The following C1orf87 variants were observed in gnomAD, a reference collection of about 807,000 sequenced individuals.
The protein encoded by C1orf87 is chromosome 1 open reading frame 87.
Under a neutral mutation model 60.5 loss-of-function variants are expected in C1orf87, and 58 were observed. That is an observed-to-expected ratio of 0.96 (90% CI 0.78 to 1.19). The LOEUF (loss-of-function observed/expected upper bound fraction) is 1.19, where lower values mean the gene tolerates loss of function less well. Ranked by LOEUF, C1orf87 falls within the 50% of genes most tolerant of loss-of-function variation. The pLI, the probability that C1orf87 is intolerant of heterozygous loss-of-function variation, is 0.00. For synonymous variants in C1orf87, 236 were observed against 227.4 expected (o/e 1.04, Z -0.34); for missense variants, 673 against 638.6 (o/e 1.05, Z -0.58).
At chr1:60,063,601 G>T (rs1429842120) in intron 2 of C1orf87, among the ~76,000 whole-genome samples, 2 of 152,060 alleles carry the variant, frequency 1.3e-5, no homozygotes, top group East Asian at 3.9e-4. Context: ...ACAAAAAATG[G>T]CTTTCCTGCT....
intron 3 of C1orf87, among the ~76,000 whole-genome samples, chr1:60,045,556 G>C (rs117061578): frequency 6.6e-6 from 1 of 152,318 alleles, no homozygotes; most frequent in East Asian, 1.9e-4. Flanking sequence ...CCAGGCTTCA[G>C]TGATCAACTG....
intron 11 of C1orf87, 134 bp from the exon 12 acceptor site, chr1:59,990,967 A>G: frequency 2.5e-6 from 2 of 786,146 alleles, no homozygotes; most frequent in East Asian, 2.6e-5. Context: ...CTTCTTAAAA[A>G]TCAAGTGGCA....
intron 3 of C1orf87, among the ~76,000 whole-genome samples, chr1:60,045,885 C>T (rs945414492): frequency 2.0e-5 from 3 of 152,164 alleles, no homozygotes; most frequent in African/African-American, 7.2e-5. Flanking sequence ...TTTTTAAATA[C>T]ACAATAACAT....
intron 9 of C1orf87, among the ~76,000 whole-genome samples, chr1:60,003,242 A>G (rs1038161880): frequency 9.9e-5 from 14 of 141,778 alleles, no homozygotes; most frequent in Admixed American, 8.8e-4. Context: ...AACACCGCAT[A>G]TTCTCACTCA....
In C1orf87 at chr1:59,997,717, G is replaced by A; in HGVS notation, c.1372C>T (p.Pro458Ser). ...TTCTTCACAGCTGGATTCACGAAGG[G>A]CTGGGAGACTGGCCTGATCTTTAAA... ...KPLKIRPVSQ[P>S]FVNPAVKNKA... is the part of the protein sequence containing the mutation. Residue 458 changes from proline to serine, a missense_variant, in exon 11 of 12, where the codon CCC (proline) becomes TCC (serine). Physicochemically the swap from Pro to Ser is moderately conservative, Grantham distance 74. Transcript: ENST00000371201. 6.2e-7 allele frequency: 1 copy of A among 1,613,986 alleles called. No individual in the cohort carries two copies. The highest frequency in any genetic ancestry group is 1.1e-5 in the South Asian group (1 of 91,070).
intron 3 of C1orf87, among the ~76,000 whole-genome samples, chr1:60,053,413 G>A (rs1645428598): frequency 1.3e-5 from 2 of 152,068 alleles, no homozygotes; most frequent in African/African-American, 2.4e-5. Context: ...TTCCTACCTC[G>A]CCGGGTGCTT....
chr1:60,011,685 T>A (rs1404309151), intron 8 of C1orf87, among the ~76,000 whole-genome samples: 1 of 152,126 alleles, frequency 6.6e-6, no homozygotes, highest in Non-Finnish European at 1.5e-5. Flanking sequence ...GGGAAATACA[T>A]ATGCTGGGTT....
intron 9 of C1orf87, among the ~76,000 whole-genome samples, chr1:60,002,924 G>T (rs1436803366): frequency 6.6e-6 from 1 of 151,138 alleles, no homozygotes; most frequent in Non-Finnish European, 1.5e-5. Context: ...GATTCCTCAG[G>T]GATCTAGAAC....
chr1:60,072,798 C>T, intron 1 of C1orf87, 128 bp from the exon 2 acceptor site: 2 of 554,772 alleles, frequency 3.6e-6, no homozygotes, highest in Non-Finnish European at 6.3e-6. Flanking sequence ...TCACTTAACA[C>T]TCCTAACAAA....
chr1:60,025,045 A>C (rs1057362426), intron 8 of C1orf87, among the ~76,000 whole-genome samples: 1 of 152,218 alleles, frequency 6.6e-6, no homozygotes, highest in African/African-American at 2.4e-5. Flanking sequence ...CAGAGGACAG[A>C]ATGAATAAAA....
At chr1:60,068,018 A>G (rs1274837480) in intron 2 of C1orf87, among the ~76,000 whole-genome samples, 1 of 152,122 alleles carries the variant, frequency 6.6e-6, no homozygotes, top group Non-Finnish European at 1.5e-5. Context: ...GGTTTGTTGA[A>G]GATTGGATGG....
intron 11 of C1orf87, among the ~76,000 whole-genome samples, chr1:59,992,598 G>A (rs1183549351): frequency 6.6e-6 from 1 of 152,090 alleles, no homozygotes; most frequent in Non-Finnish European, 1.5e-5. Flanking sequence ...GAGTGATGGT[G>A]AAATTCCTTC....
At chr1:60,018,601 G>C (rs1645139703) in intron 8 of C1orf87, among the ~76,000 whole-genome samples, 1 of 152,094 alleles carries the variant, frequency 6.6e-6, no homozygotes, top group Non-Finnish European at 1.5e-5. Context: ...TCTTCCTTTA[G>C]ATTGGTGCCT....
chr1:59,992,663 A>C (rs1163857635), intron 11 of C1orf87, among the ~76,000 whole-genome samples: 1 of 152,210 alleles, frequency 6.6e-6, no homozygotes, highest in Non-Finnish European at 1.5e-5. Flanking sequence ...CTACTAGTCC[A>C]TTAGAGTTGG....
At chr1:60,030,171 T>A (rs1218748498) in intron 7 of C1orf87, among the ~76,000 whole-genome samples, 1 of 152,158 alleles carries the variant, frequency 6.6e-6, no homozygotes, top group African/African-American at 2.4e-5. Context: ...TTGTCCTCAG[T>A]GCCTACCACA....
chr1:60,008,045 A>G (rs1645058355), intron 9 of C1orf87, among the ~76,000 whole-genome samples: 1 of 152,052 alleles, frequency 6.6e-6, no homozygotes, highest in African/African-American at 2.4e-5. Context: ...GCTTAAGAGC[A>G]TTTAGTCATC....
In C1orf87 at chr1:60,055,185, G is replaced by A. The variant is rs778111732; in HGVS notation, c.342+19C>T. The A allele has an allele frequency of 4.5e-6, 7 of 1,560,654 alleles. No homozygotes were observed. The highest frequency in any genetic ancestry group is 6.2e-6 in the Non-Finnish European group (7 of 1,132,284). Reference sequence around the variant, plus strand: ...CTAATAAATTATCAAGATAAACGTGGGTATTTTTTGTCACTCACATTGCCA... The same window carrying A: ...CTAATAAATTATCAAGATAAACGTGAGTATTTTTTGTCACTCACATTGCCA... On this transcript the variant is annotated intron_variant, in intron 3 of 11. Transcript: ENST00000371201.
In C1orf87 at chr1:60,055,370, C is replaced by T. The variant is rs764278477; in HGVS notation, c.176G>A (p.Arg59Lys). 11 of 1,614,146 alleles carry T rather than the reference C, an allele frequency of 6.8e-6. No homozygotes were observed. Among genetic ancestry groups the T allele is most frequent in the Non-Finnish European group, 8.5e-6 (10 of 1,180,026 alleles). ...MHQKPMTDNA[R>K]QMSRDTPVPI... ...AACTGGGGTGTCTCTGCTCATCTGCCTTGCATTATCAGTCATTGGTTTCTG... is the reference window on the plus strand; with the variant it reads ...AACTGGGGTGTCTCTGCTCATCTGCTTTGCATTATCAGTCATTGGTTTCTG... The change falls in exon 3 of 12, where the codon AGG (arginine) becomes AAG (lysine). Residue 59 changes from arginine (R) to lysine (K), a missense_variant. Arg to Lys is a conservative substitution (Grantham distance 26). Coordinates refer to ENST00000371201, the MANE Select transcript of C1orf87 (RefSeq NM_152377.3).
At chr1:60,001,498 G>A (rs780490435) in intron 9 of C1orf87, among the ~76,000 whole-genome samples, 3 of 152,064 alleles carry the variant, frequency 2.0e-5, no homozygotes, top group Non-Finnish European at 4.4e-5. Flanking sequence ...CGGAGGAAGT[G>A]ACACAAATTC....
Sources: gnomAD v4.1 joint callset for allele counts (sites outside exome capture counted in the v4.1 genomes callset) on GRCh38, gnomAD v4.1.1 for gene constraint, MANE v1.5 for transcripts, NCBI Gene and HGNC (gene_info 2026-07-23, HGNC 2026-07-21) for gene names.